Variants in NAA25 observed in about 807,000 individuals in gnomAD.
The protein encoded by NAA25 is N-alpha-acetyltransferase 25, NatB auxiliary subunit.
A neutral mutation model predicts 132.5 loss-of-function variants in NAA25; 30 were observed. The observed-to-expected ratio is 0.23, with a 90% CI of 0.17 to 0.31. NAA25 has a LOEUF of 0.31. NAA25 is among the 10% of genes least tolerant of loss of function. The pLI, the probability that NAA25 is intolerant of heterozygous loss-of-function variation, is 1.00. For synonymous variants in NAA25, 359 were observed against 401.9 expected (o/e 0.89, Z 1.28); for missense variants, 771 against 1,150.4 (o/e 0.67, Z 4.77).
At position 112,027,368 on chromosome 12, in the gene NAA25, AAAG is replaced by A. The variant is rs1165985710; in HGVS notation, c.*2160_*2162del. On this transcript the variant is annotated 3_prime_UTR_variant, in exon 24 of 24. Transcript: ENST00000261745. ...AATTTATAGTACATGAGGGTTTCCA[AAAG>A]AACAGATTGATAAGAGATATTGGCC... 6.6e-6 allele frequency: 1 copy of A among 152,484 alleles called. No homozygotes were observed. The highest frequency in any genetic ancestry group is 1.5e-5 in the Non-Finnish European group (1 of 68,022). The allele number at this position is 152,484 out of a possible 1,614,324, so 9.4% of individuals were successfully genotyped here. A position where few individuals can be genotyped will look rare whatever the true frequency, so the allele number is the denominator to read the frequency against.
chr12:112,076,351 G>T (rs1167876135), intron 7 of NAA25, among the ~76,000 whole-genome samples: 1 of 152,002 alleles, frequency 6.6e-6, no homozygotes, highest in East Asian at 1.9e-4. Context: ...CAATGTATTG[G>T]GTTGAACATC....
At chr12:112,040,640 C>T in intron 20 of NAA25, 62 bp from the exon 21 acceptor site, 1 of 851,914 alleles carries the variant, frequency 1.2e-6, no homozygotes, top group Non-Finnish European at 1.9e-6. Flanking sequence ...TTAAGGAACA[C>T]AACACACAAA....
At chr12:112,045,411 C>A (rs562254042) in intron 17 of NAA25, among the ~76,000 whole-genome samples, 2 of 149,560 alleles carry the variant, frequency 1.3e-5, no homozygotes, top group African/African-American at 4.9e-5. Flanking sequence ...TGCTTGAACC[C>A]GGGAGGCGGA....
intron 15 of NAA25, among the ~76,000 whole-genome samples, chr12:112,048,918 G>A (rs1400684031): frequency 6.7e-6 from 1 of 149,402 alleles, no homozygotes; most frequent in South Asian, 2.1e-4. Flanking sequence ...AAGACAGGCT[G>A]CTCCTTGGTT....
At chr12:112,101,163 C>A (rs1443624430) in intron 1 of NAA25, among the ~76,000 whole-genome samples, 1 of 152,140 alleles carries the variant, frequency 6.6e-6, no homozygotes, top group Non-Finnish European at 1.5e-5. Flanking sequence ...CCACAGGAAA[C>A]CTTTTCTTGA....
At chr12:112,031,896 A>T (rs1034805397) in intron 23 of NAA25, among the ~76,000 whole-genome samples, 1 of 151,810 alleles carries the variant, frequency 6.6e-6, no homozygotes, top group Non-Finnish European at 1.5e-5. Flanking sequence ...TCATTAAAGA[A>T]AGCAGACATG....
At chr12:112,075,997 C>G (rs2078891085) in intron 7 of NAA25, among the ~76,000 whole-genome samples, 1 of 152,162 alleles carries the variant, frequency 6.6e-6, no homozygotes, top group African/African-American at 2.4e-5. Context: ...ATTCTCCTGT[C>G]TCAGCCTCCC....
chr12:112,048,960 C>G, intron 15 of NAA25, among the ~76,000 whole-genome samples: 1 of 150,102 alleles, frequency 6.7e-6, no homozygotes. Flanking sequence ...ATTAGAAACA[C>G]AGGGCATATG....
At chr12:112,037,134 A>C (rs1367849373) in intron 22 of NAA25, among the ~76,000 whole-genome samples, 1 of 151,796 alleles carries the variant, frequency 6.6e-6, no homozygotes, top group Non-Finnish European at 1.5e-5. Flanking sequence ...ATGTTAAAGG[A>C]CAGAAACCAG....
At chr12:112,047,928 G>A (rs1474346798) in intron 16 of NAA25, 138 bp from the exon 17 acceptor site, 3 of 924,082 alleles carry the variant, frequency 3.2e-6, no homozygotes, top group African/African-American at 3.4e-5. Flanking sequence ...AGAACCAAGC[G>A]CAGATCAAAC....
chr12:112,063,148 GT>G (rs988955743), intron 11 of NAA25, among the ~76,000 whole-genome samples: 1 of 151,710 alleles, frequency 6.6e-6, no homozygotes, highest in African/African-American at 2.4e-5. Flanking sequence ...ACAAGAACAG[GT>G]GGTTAAGTAG....
chr12:112,031,097 A>C (rs2078144088), intron 23 of NAA25, among the ~76,000 whole-genome samples: 1 of 152,222 alleles, frequency 6.6e-6, no homozygotes, highest in South Asian at 2.1e-4. Context: ...CATTTTTTAA[A>C]GTACAAAATA....
chr12:112,072,079 A>G lies in NAA25; in HGVS notation c.867-15T>C, dbSNP rs764434678. The G allele has an allele frequency of 4.2e-5, 67 of 1,596,072 alleles. No individual in the cohort carries two copies. Among genetic ancestry groups the G allele is most frequent in the Non-Finnish European group, 4.9e-5 (57 of 1,170,006 alleles). On this transcript the variant is annotated splice_polypyrimidine_tract_variant and intron_variant, in intron 9 of 23. Transcript: ENST00000261745. ...CTTCTAAAGAGCTGAGGAAAAGCACATGAAAAAGGAATTTTATTGCCTCTA... is the reference window on the plus strand; with the variant it reads ...CTTCTAAAGAGCTGAGGAAAAGCACGTGAAAAAGGAATTTTATTGCCTCTA...
chr12:112,088,273 C>T (rs2136922742), intron 3 of NAA25, among the ~76,000 whole-genome samples: 1 of 151,824 alleles, frequency 6.6e-6, no homozygotes, highest in Non-Finnish European at 1.5e-5. Context: ...TGACCACTGC[C>T]TCCCTCTGCC....
At chr12:112,039,097 C>T (rs2078266461) in intron 22 of NAA25, 132 bp downstream of exon 22, 1 of 485,680 alleles carries the variant, frequency 2.1e-6, no homozygotes, top group African/African-American at 2.0e-5. Flanking sequence ...CATTCAAAGT[C>T]ATCGTGGGCC....
chr12:112,039,125 G>T, intron 22 of NAA25, 104 bp downstream of exon 22: 1 of 576,036 alleles, frequency 1.7e-6, no homozygotes, highest in African/African-American at 1.9e-5. Flanking sequence ...GGAGAAGCTT[G>T]GCATATAGGA....
At chr12:112,051,230 G>C (rs577139746) in intron 15 of NAA25, among the ~76,000 whole-genome samples, 3 of 151,796 alleles carry the variant, frequency 2.0e-5, no homozygotes, top group Non-Finnish European at 4.4e-5. Context: ...CTTTTTTGGT[G>C]GGGGGACAGA....
chr12:112,031,866 TC>T (rs2078153911), intron 23 of NAA25, among the ~76,000 whole-genome samples: 1 of 151,506 alleles, frequency 6.6e-6, no homozygotes, highest in Admixed American at 6.6e-5. Flanking sequence ...CAATTAATCT[TC>T]CTCAAATGTC....
At chr12:112,051,728 T>C (rs1195025931) in intron 15 of NAA25, among the ~76,000 whole-genome samples, 1 of 152,054 alleles carries the variant, frequency 6.6e-6, no homozygotes, top group Admixed American at 6.6e-5. Context: ...AAAACAAAGA[T>C]ACAAAAAAAA....
Sources: allele counts gnomAD v4.1 joint callset (sites outside exome capture counted in the v4.1 genomes callset), GRCh38; gene constraint gnomAD v4.1.1; transcripts MANE v1.5; gene names NCBI Gene and HGNC (gene_info 2026-07-23, HGNC 2026-07-21).